EVC2: variants seen among roughly 807,000 people sequenced by gnomAD.
EVC2 encodes EvC ciliary complex subunit 2.
EVC2 carries 148 observed loss-of-function variants against 149.3 expected under a neutral mutation model. The observed-to-expected ratio is 0.99, with a 90% CI of 0.87 to 1.14. EVC2 has a LOEUF of 1.14. Among genes scored for constraint, EVC2 ranks in the 50% most tolerant of loss-of-function variants. EVC2 has a pLI of 0.00. For synonymous variants in EVC2, 776 were observed against 649.9 expected, an observed-to-expected ratio of 1.19 and a Z score of -2.95; for missense variants, 1,854 against 1,627.3, an observed-to-expected ratio of 1.14 and a Z score of -2.40.
intron 7 of EVC2, among the ~76,000 whole-genome samples, chr4:5,666,376 T>A (rs1227628834): frequency 1.3e-5 from 2 of 152,196 alleles, no homozygotes; most frequent in Non-Finnish European, 2.9e-5. Flanking sequence ...CCTGTGACAC[T>A]AAATATCTGC....
rs1465065416 is a variant in EVC2 at position 5,657,605 on chromosome 4, T to C, written c.1145+5502A>G. Among the ~76,000 whole-genome samples the C allele has an allele frequency of 6.6e-6, 1 of 151,922 alleles. No individual in the cohort carries two copies. Among genetic ancestry groups the C allele is most frequent in the Non-Finnish European group, 1.5e-5 (1 of 68,002 alleles). On this transcript the variant is annotated intron_variant, in intron 9 of 21. Coordinates refer to ENST00000344408, the MANE Select transcript of EVC2 (RefSeq NM_147127.5). The surrounding 1 kb of genome is among the most constrained non-coding windows in gnomAD (Gnocchi z 4.7). Reference sequence around the variant, plus strand: ...AGGCGACTTTCCACCAAGAACACCATTGTGTAGAGGCACCTACTGTGCCAG... The same window carrying C: ...AGGCGACTTTCCACCAAGAACACCACTGTGTAGAGGCACCTACTGTGCCAG...
intron 6 of EVC2, 24 bp downstream of exon 6, chr4:5,685,346 A>T (rs1476747701): frequency 6.2e-7 from 1 of 1,606,604 alleles, no homozygotes; most frequent in African/African-American, 1.3e-5. Flanking sequence ...GGCAAGACAG[A>T]GATTAAAGTA....
chr4:5,600,072 A>G (rs1453192178), intron 16 of EVC2, among the ~76,000 whole-genome samples: 1 of 152,226 alleles, frequency 6.6e-6, no homozygotes, highest in Non-Finnish European at 1.5e-5. Context: ...ATCCCTTCAC[A>G]TCACTTGGCA....
At position 5,622,842 on chromosome 4, in the gene EVC2, G is replaced by T; in HGVS notation, c.2196C>A (p.Ala732=). The part of the protein sequence containing the change: ...EELQERLDQA[A]LDDLRTLTLS... The stretch of plus-strand genomic sequence containing the variant: ...GGGTCAGGGTCCTGAGATCGTCCAG[G>T]GCGGCCTGGTCCAGACGCTCCTGCA... Residue 732 remains alanine (A), a synonymous_variant, in exon 14 of 22, where the codon GCC becomes GCA. Transcript: ENST00000344408. This position sits in a 1 kb window ranked among gnomAD's most constrained non-coding sequence, Gnocchi z 5.8. 6.2e-7 allele frequency: 1 copy of T among 1,614,110 alleles called. No individual in the cohort carries two copies.
intron 1 of EVC2, among the ~76,000 whole-genome samples, chr4:5,699,708 C>T (rs1211292662): frequency 1.3e-5 from 2 of 151,510 alleles, no homozygotes; most frequent in African/African-American, 4.9e-5. Flanking sequence ...ATACTCCCAG[C>T]TACTTGGGAG....
chr4:5,553,193 G>A (rs1721773424), intron 21 of EVC2, among the ~76,000 whole-genome samples: 1 of 152,190 alleles, frequency 6.6e-6, no homozygotes, highest in Non-Finnish European at 1.5e-5. Flanking sequence ...GGCAGAAGGA[G>A]AAGGGGAAGC....
chr4:5,606,850 C>T (rs1457291193), intron 16 of EVC2, among the ~76,000 whole-genome samples: 1 of 152,072 alleles, frequency 6.6e-6, no homozygotes, highest in Admixed American at 6.5e-5. Flanking sequence ...GAGGTAGGCG[C>T]TTCTATTATC....
intron 11 of EVC2, among the ~76,000 whole-genome samples, chr4:5,631,092 GC>G (rs1716497804): frequency 6.6e-6 from 1 of 152,048 alleles, no homozygotes; most frequent in South Asian, 2.1e-4. Flanking sequence ...TTTCACTACC[GC>G]CTAAGAAATT....
chr4:5,645,249 CTTT>C (rs11351682), intron 9 of EVC2, among the ~76,000 whole-genome samples: 41 of 141,006 alleles, frequency 2.9e-4, no homozygotes, highest in East Asian at 4.1e-4. Context: ...ACATCCACCT[CTTT>C]TTTTTTTTTT....
chr4:5,649,342 C>T (rs1352148894), intron 9 of EVC2, among the ~76,000 whole-genome samples: 1 of 152,154 alleles, frequency 6.6e-6, no homozygotes, highest in Non-Finnish European at 1.5e-5. Flanking sequence ...TTTAGAACCA[C>T]GCCCAGCACA....
At chr4:5,689,565 A>C (rs1035839080) in intron 4 of EVC2, among the ~76,000 whole-genome samples, 2 of 152,218 alleles carry the variant, frequency 1.3e-5, no homozygotes, top group African/African-American at 4.8e-5. Context: ...AGTTTCAAAG[A>C]AACTGAGATG....
intron 7 of EVC2, among the ~76,000 whole-genome samples, chr4:5,676,710 T>C (rs1487976465): frequency 6.6e-6 from 1 of 152,242 alleles, no homozygotes; most frequent in Non-Finnish European, 1.5e-5. Context: ...AATTGAATTC[T>C]TCCTCCTCCA....
intron 20 of EVC2, among the ~76,000 whole-genome samples, chr4:5,566,153 A>T (rs1486337272): frequency 6.6e-6 from 1 of 152,270 alleles, no homozygotes; most frequent in Non-Finnish European, 1.5e-5. Flanking sequence ...TGGGCTAGGC[A>T]GGGAGCCCTA....
At chr4:5,631,343 T>G (rs551569528) in intron 11 of EVC2, among the ~76,000 whole-genome samples, 1 of 152,324 alleles carries the variant, frequency 6.6e-6, no homozygotes, top group African/African-American at 2.4e-5. Context: ...TCCTCCCATC[T>G]TGGCCTCCTA....
intron 11 of EVC2, among the ~76,000 whole-genome samples, chr4:5,629,785 T>C (rs936824589): frequency 6.6e-6 from 1 of 152,218 alleles, no homozygotes; most frequent in Non-Finnish European, 1.5e-5. Context: ...ACAGGAAGGT[T>C]ACAGCAATGT....
At chr4:5,668,479 C>G (rs1219127711) in intron 7 of EVC2, among the ~76,000 whole-genome samples, 1 of 152,122 alleles carries the variant, frequency 6.6e-6, no homozygotes, top group Non-Finnish European at 1.5e-5. Context: ...AAATGAAATC[C>G]AAGTACTCCA....
intron 9 of EVC2, 76 bp downstream of exon 9, chr4:5,663,031 A>G: frequency 6.4e-7 from 1 of 1,568,524 alleles, no homozygotes; most frequent in Non-Finnish European, 8.8e-7. Context: ...AAATATACTC[A>G]GCATTTGGCC....
At chr4:5,650,634 T>TAGAG (rs1204960392) in intron 9 of EVC2, among the ~76,000 whole-genome samples, 70 of 58,152 alleles carry the variant, frequency 1.2e-3, no homozygotes, top group African/African-American at 1.7e-3. Context: ...TATATATATA[T>TAGAG]ATATAGAGAG....
chr4:5,564,325 A>C (rs1722136354), intron 21 of EVC2, among the ~76,000 whole-genome samples: 1 of 152,238 alleles, frequency 6.6e-6, no homozygotes, highest in African/African-American at 2.4e-5. Context: ...GCAGCCTAGG[A>C]ATGTTCCTAA....
Sources: gnomAD v4.1 joint callset for allele counts (sites outside exome capture counted in the v4.1 genomes callset) on GRCh38, gnomAD v4.1.1 for gene constraint, Gnocchi (gnomAD v3.1) non-coding constraint, MANE v1.5 for transcripts, NCBI Gene and HGNC (gene_info 2026-07-23, HGNC 2026-07-21) for gene names.